SPRING1: variants seen among roughly 807,000 people sequenced by gnomAD.
SPRING1 encodes SREBP regulating gene protein.
In SPRING1, 14 loss-of-function variants were observed where a neutral mutation model predicts 24.7. That is an observed-to-expected ratio of 0.57 (90% confidence interval 0.37 to 0.88). The LOEUF (loss-of-function observed/expected upper bound fraction) is 0.88. Among genes scored for constraint, SPRING1 ranks in the 40% least tolerant of loss-of-function variants. The pLI is 0.00. For missense variants in SPRING1, 255 were observed against 268.4 expected (o/e 0.95, Z 0.35); for synonymous variants, 93 against 106.1 (o/e 0.88, Z 0.76).
intron 1 of SPRING1, among the ~76,000 whole-genome samples, chr12:116,731,312 G>A (rs1870965244): frequency 1.3e-5 from 2 of 152,210 alleles, no homozygotes; most frequent in Non-Finnish European, 2.9e-5. Context: ...CAGTGGAAGT[G>A]TCAACAAGGT....
rs1396627499 is a variant in SPRING1 at position 116,713,313 on chromosome 12, C to A, written c.*4497G>T. The A allele has an allele frequency of 6.6e-6, 1 of 152,136 alleles. No individual in the cohort carries two copies. Among genetic ancestry groups the A allele is most frequent in the African/African-American group, 2.4e-5 (1 of 41,420 alleles). The allele number at this position is 152,136 out of a possible 1,614,324, so 9.4% of individuals were successfully genotyped here. A position where few individuals can be genotyped will look rare whatever the true frequency, so the allele number is the denominator to read the frequency against. ...AGGGCTGAAAAACAAGAGAAGGGGA[C>A]AAAGGCTGCTTTCATATAAAAATGT... On this transcript the variant is annotated 3_prime_UTR_variant, in exon 5 of 5. Coordinates refer to ENST00000261318, the MANE Select transcript of SPRING1 (RefSeq NM_024738.4).
At position 116,716,547 on chromosome 12, in the gene SPRING1, T is replaced by C. The variant is rs951045564; in HGVS notation, c.*1263A>G. On this transcript the variant is annotated 3_prime_UTR_variant, in exon 5 of 5. Transcript: ENST00000261318. Reference sequence around the variant, plus strand: ...AGGGCATGATGTCTTGATCTTAGGATCAAATATTCTAGACCTTGAGCCGGA... The same window carrying C: ...AGGGCATGATGTCTTGATCTTAGGACCAAATATTCTAGACCTTGAGCCGGA... 1.3e-5 allele frequency: 2 copies of C among 152,638 alleles called. No homozygotes were observed. The highest frequency in any genetic ancestry group is 4.8e-5 in the African/African-American group (2 of 41,436). 9.5% of individuals were successfully genotyped at this position (152,638 alleles called of 1,614,324 possible).
rs755233086 is a variant in SPRING1, at chr12:116,737,769, AG to A, written c.111+20del. Reference sequence around the variant, plus strand: ...AAGGAAGGAAGAAGGGAAGGGGAGGAGGGGAAGGGCGGCCACTGACCTGCTT... The same window carrying A: ...AAGGAAGGAAGAAGGGAAGGGGAGGAGGGAAGGGCGGCCACTGACCTGCTT... On this transcript the variant is annotated intron_variant, in intron 1 of 4. Transcript: ENST00000261318. 7.2e-7 allele frequency: 1 copy of A among 1,384,996 alleles called. No homozygotes were observed. The highest frequency in any genetic ancestry group is 9.6e-7 in the Non-Finnish European group (1 of 1,038,328). 85.8% of individuals were successfully genotyped at this position (1,384,996 alleles called of 1,614,324 possible). A position where few individuals can be genotyped will look rare whatever the true frequency, so the allele number is the denominator to read the frequency against.
intron 1 of SPRING1, among the ~76,000 whole-genome samples, chr12:116,727,970 T>C (rs1870784896): frequency 6.6e-6 from 1 of 152,184 alleles, no homozygotes; most frequent in Non-Finnish European, 1.5e-5. Flanking sequence ...TATACTTCAC[T>C]CTAGACAGTA....
At position 116,720,654 on chromosome 12, in the gene SPRING1, G is replaced by A. The variant is rs919403435; in HGVS notation, c.269-207C>T. Among the ~76,000 whole-genome samples the A allele has an allele frequency of 2.3e-5, 2 of 87,906 alleles. No homozygotes were observed. The highest frequency in any genetic ancestry group is 5.2e-5 in the Non-Finnish European group (2 of 38,684). 57.7% of individuals were successfully genotyped at this position (87,906 alleles called of 152,430 possible). On this transcript the variant is annotated intron_variant, in intron 2 of 4. Transcript: ENST00000261318. This position sits in a 1 kb window ranked among gnomAD's most constrained non-coding sequence, Gnocchi z 4.0. ...GTTTCCAGGAAGCAGGCACTCCCCT[G>A]TTATCGCCAGGCTACACGTCGGAAC...
rs560488510 is a variant in SPRING1 at position 116,711,574 on chromosome 12, G to C, written c.*6236C>G. ...AGTGAGATGTGACCAACATAGCCTGGAATCTTAAATTACTGATAATGGTGA... is the reference window on the plus strand; with the variant it reads ...AGTGAGATGTGACCAACATAGCCTGCAATCTTAAATTACTGATAATGGTGA... On this transcript the variant is annotated 3_prime_UTR_variant, in exon 5 of 5. Coordinates refer to ENST00000261318, the MANE Select transcript of SPRING1 (RefSeq NM_024738.4). 1 of 152,242 alleles carries C rather than the reference G, an allele frequency of 6.6e-6. No homozygotes were observed. Among genetic ancestry groups the C allele is most frequent in the Admixed American group, 6.5e-5 (1 of 15,282 alleles). 9.4% of individuals were successfully genotyped at this position (152,242 alleles called of 1,614,324 possible). A position where few individuals can be genotyped will look rare whatever the true frequency, so the allele number is the denominator to read the frequency against.
At position 116,720,252 on chromosome 12, in the gene SPRING1, C is replaced by T. The variant is rs763132487; in HGVS notation, c.420+44G>A. The T allele has an allele frequency of 5.8e-6, 9 of 1,555,512 alleles. No individual in the cohort carries two copies. The highest frequency in any genetic ancestry group is 4.3e-5 in the Admixed American group (2 of 46,684). On this transcript the variant is annotated intron_variant, in intron 3 of 4. Coordinates refer to ENST00000261318, the MANE Select transcript of SPRING1 (RefSeq NM_024738.4). The surrounding 1 kb of genome is among the most constrained non-coding windows in gnomAD (Gnocchi z 4.0). ...CTAATGCTCATCATAAAACAGAGGC[C>T]GAAAGAAAAAAGGAGCCGCAGAACC...
intron 1 of SPRING1, among the ~76,000 whole-genome samples, chr12:116,736,961 G>A (rs1271006944): frequency 6.6e-6 from 1 of 152,118 alleles, no homozygotes; most frequent in Non-Finnish European, 1.5e-5. Context: ...GCCGACCCTC[G>A]CCACCTATGT....
chr12:116,736,298 C>T (rs1157573780), intron 1 of SPRING1, among the ~76,000 whole-genome samples: 4 of 152,072 alleles, frequency 2.6e-5, no homozygotes, highest in African/African-American at 4.8e-5. Flanking sequence ...GGAGTCCTGG[C>T]GCACCCCACC....
Position 116,729,090 on chromosome 12 carries a change from T to C in SPRING1, c.112-5867A>G, listed in dbSNP as rs928107802. Among the ~76,000 whole-genome samples the C allele has an allele frequency of 4.6e-5, 7 of 152,306 alleles. No homozygotes were observed. The South Asian group carries it at 1.4e-3, about 32-fold the overall frequency. ...ACATGAGTTTTTTGTGAAAAAACAC[T>C]TAAAAAAATAGTAAGGAGAGGGGCA... On this transcript the variant is annotated intron_variant, in intron 1 of 4. Transcript: ENST00000261318.
chr12:116,711,325 A>C lies in SPRING1; in HGVS notation c.*6485T>G, dbSNP rs1442008821. ...GAGGTGGGCGGATCACGAGGTCAGG[A>C]GATCGAGACCATCCTGGCTACTAAC... On this transcript the variant is annotated 3_prime_UTR_variant, in exon 5 of 5. Coordinates refer to ENST00000261318, the MANE Select transcript of SPRING1 (RefSeq NM_024738.4). 1 of 152,242 alleles carries C rather than the reference A, an allele frequency of 6.6e-6. No individual in the cohort carries two copies. Among genetic ancestry groups the C allele is most frequent in the Admixed American group, 6.5e-5 (1 of 15,278 alleles). 9.4% of individuals were successfully genotyped at this position (152,242 alleles called of 1,614,324 possible). A position where few individuals can be genotyped will look rare whatever the true frequency, so the allele number is the denominator to read the frequency against.
At chr12:116,736,351 G>A (rs1367350616) in intron 1 of SPRING1, among the ~76,000 whole-genome samples, 1 of 152,184 alleles carries the variant, frequency 6.6e-6, no homozygotes, top group African/African-American at 2.4e-5. Context: ...ACGCGACTGT[G>A]AGGAGGTGTC....
At chr12:116,725,572 G>A (rs755236070) in intron 1 of SPRING1, among the ~76,000 whole-genome samples, 2 of 152,170 alleles carry the variant, frequency 1.3e-5, no homozygotes, top group Non-Finnish European at 2.9e-5. Flanking sequence ...TAAAGATTCT[G>A]TAGAACTTTC....
At chr12:116,719,145 C>T (rs1219788695) in intron 4 of SPRING1, among the ~76,000 whole-genome samples, 1 of 152,180 alleles carries the variant, frequency 6.6e-6, no homozygotes, top group African/African-American at 2.4e-5. Flanking sequence ...TGCCCAACCA[C>T]AATAGCTGAG....
At chr12:116,737,577 GAAGGAAGGAGGAAGAT>G (rs1271684693) in intron 1 of SPRING1, among the ~76,000 whole-genome samples, 197 bp downstream of exon 1, 2 of 145,090 alleles carry the variant, frequency 1.4e-5, no homozygotes, top group East Asian at 2.1e-4. Flanking sequence ...AGGGAGAGGG[GAAGGAAGGAGGAAGAT>G]AAGGAAGGAG....
Position 116,719,804 on chromosome 12 carries a change from G to T in SPRING1, c.493C>A (p.His165Asn), listed in dbSNP as rs746926171. ...CATTTGGCCAGGCACAACTCAAAGT[G>T]ATCTTCGACTGCCATGAAGAGGTTC... ...FQNLFMAVEDHFELCLAKCRT... is the reference protein window; with the variant it reads ...FQNLFMAVEDNFELCLAKCRT... The change falls in exon 4 of 5, where the codon CAC (histidine) becomes AAC (asparagine). Residue 165 changes from histidine (H) to asparagine (N), a missense_variant. Physicochemically the swap from His to Asn is moderately conservative, Grantham distance 68. Transcript: ENST00000261318. 6.2e-7 allele frequency: 1 copy of T among 1,614,174 alleles called. No homozygotes were observed. The highest frequency in any genetic ancestry group is 1.1e-5 in the South Asian group (1 of 91,068).
At position 116,728,599 on chromosome 12, in the gene SPRING1, G is replaced by A. The variant is rs1870816243; in HGVS notation, c.112-5376C>T. ...AGAGAGGATAATCAACTATTCTCCA[G>A]GCAAAAGCTGCCGCATCTGCGCCAT... On this transcript the variant is annotated intron_variant, in intron 1 of 4. Coordinates refer to ENST00000261318, the MANE Select transcript of SPRING1 (RefSeq NM_024738.4). The surrounding 1 kb of genome is among the most constrained non-coding windows in gnomAD (Gnocchi z 4.2). Among the ~76,000 whole-genome samples, 1 of 152,256 alleles carries A rather than the reference G, an allele frequency of 6.6e-6. No individual in the cohort carries two copies. The highest frequency in any genetic ancestry group is 1.5e-5 in the Non-Finnish European group (1 of 68,056).
At chr12:116,722,793 G>A (rs918661986) in intron 2 of SPRING1, among the ~76,000 whole-genome samples, 2 of 152,134 alleles carry the variant, frequency 1.3e-5, no homozygotes, top group African/African-American at 4.8e-5. Flanking sequence ...TGTCAGAAGG[G>A]GCCTGGGGAC....
intron 1 of SPRING1, among the ~76,000 whole-genome samples, chr12:116,732,433 C>T (rs991808906): frequency 3.3e-5 from 5 of 152,084 alleles, no homozygotes; most frequent in East Asian, 1.9e-4. Flanking sequence ...AAAGGCTGGA[C>T]GCACTGGCTC....
Sources: allele counts gnomAD v4.1 joint callset (sites outside exome capture counted in the v4.1 genomes callset), GRCh38; gene constraint gnomAD v4.1.1; non-coding constraint Gnocchi (gnomAD v3.1); transcripts MANE v1.5; gene names NCBI Gene and HGNC (gene_info 2026-07-23, HGNC 2026-07-21).